The following MACROD2 variants were observed in gnomAD, a reference collection of about 807,000 sequenced individuals.
MACROD2 encodes the protein ADP-ribose glycohydrolase MACROD2.
In MACROD2, 36 loss-of-function variants were observed where a neutral mutation model predicts 70.4. The observed-to-expected ratio is 0.51, with a 90% CI of 0.39 to 0.68. The LOEUF (loss-of-function observed/expected upper bound fraction) is 0.68, where lower values mean the gene tolerates loss of function less well. MACROD2 is among the 30% of genes least tolerant of loss of function. The pLI, the probability that MACROD2 is intolerant of heterozygous loss-of-function variation, is 0.00. For missense variants in MACROD2, 496 were observed against 538.4 expected, an observed-to-expected ratio of 0.92 and a Z score of 0.78; for synonymous variants, 172 against 178.8, an observed-to-expected ratio of 0.96 and a Z score of 0.30.
intron 6 of MACROD2, among the ~76,000 whole-genome samples, chr20:15,241,746 T>A (rs911135293): frequency 6.8e-6 from 1 of 146,196 alleles, no homozygotes; most frequent in Non-Finnish European, 1.5e-5. Flanking sequence ...AAAATAGATA[T>A]TTAGGGTATT....
At chr20:14,535,148 G>T (rs181773535) in intron 4 of MACROD2, among the ~76,000 whole-genome samples, 1 of 152,306 alleles carries the variant, frequency 6.6e-6, no homozygotes, top group African/African-American at 2.4e-5. Context: ...GAGGATTGAA[G>T]GAACTGCCAA....
chr20:15,307,025 C>G (rs1445022890), intron 6 of MACROD2, among the ~76,000 whole-genome samples: 1 of 152,040 alleles, frequency 6.6e-6, no homozygotes, highest in Admixed American at 6.6e-5. Flanking sequence ...ACAGGGGTCT[C>G]TTTTAAACAA....
chr20:15,496,149 T>G (rs895728486), intron 7 of MACROD2, among the ~76,000 whole-genome samples: 3 of 152,220 alleles, frequency 2.0e-5, no homozygotes, highest in African/African-American at 7.2e-5. Flanking sequence ...TAGAGTCGGC[T>G]TCAAATGATT....
intron 5 of MACROD2, among the ~76,000 whole-genome samples, chr20:14,868,704 G>A (rs1311011860): frequency 6.6e-6 from 1 of 151,998 alleles, no homozygotes. Context: ...AAATTGCTGT[G>A]TTTTCCTTTC....
At chr20:14,021,416 C>T (rs1356985330) in intron 2 of MACROD2, among the ~76,000 whole-genome samples, 1 of 152,182 alleles carries the variant, frequency 6.6e-6, no homozygotes, top group East Asian at 1.9e-4. Flanking sequence ...GCAGGGCCTG[C>T]TGCTCTTTTT....
intron 3 of MACROD2, among the ~76,000 whole-genome samples, chr20:14,124,786 A>C (rs568958271): frequency 6.6e-6 from 1 of 152,172 alleles, no homozygotes; most frequent in Admixed American, 6.5e-5. Context: ...TGACCCAGCC[A>C]TTCCACTCCT....
At chr20:14,686,168 T>C (rs1194735077) in intron 5 of MACROD2, among the ~76,000 whole-genome samples, 1 of 152,146 alleles carries the variant, frequency 6.6e-6, no homozygotes, top group East Asian at 1.9e-4. Context: ...AAGATTATAA[T>C]ACAGATTGAG....
intron 8 of MACROD2, among the ~76,000 whole-genome samples, chr20:15,735,388 A>G (rs1053474658): frequency 3.9e-5 from 6 of 152,242 alleles, no homozygotes; most frequent in African/African-American, 7.2e-5. Context: ...ATTGCTTTTA[A>G]TAAGGACTAA....
At chr20:15,313,065 CTT>C (rs1242682254) in intron 6 of MACROD2, among the ~76,000 whole-genome samples, 1 of 151,960 alleles carries the variant, frequency 6.6e-6, no homozygotes, top group Admixed American at 6.6e-5. Context: ...GTGTATAAAA[CTT>C]TTAAATATTC....
intron 3 of MACROD2, among the ~76,000 whole-genome samples, chr20:14,195,829 C>T (rs1488261985): frequency 1.3e-5 from 2 of 152,158 alleles, no homozygotes; most frequent in African/African-American, 4.8e-5. Context: ...AGAGCTACTT[C>T]CACTCAATAA....
intron 13 of MACROD2, among the ~76,000 whole-genome samples, chr20:15,986,200 G>A (rs1423465005): frequency 2.0e-5 from 3 of 152,148 alleles, no homozygotes; most frequent in African/African-American, 7.2e-5. Flanking sequence ...CAGGTACCGA[G>A]TATAAAACAA....
intron 3 of MACROD2, among the ~76,000 whole-genome samples, chr20:14,297,479 C>A (rs1051410135): frequency 4.0e-4 from 61 of 151,982 alleles, no homozygotes; most frequent in African/African-American, 1.5e-3. Flanking sequence ...AACAGCTTTA[C>A]TGCTAATGTG....
chr20:14,948,017 C>T (rs1054212420), intron 5 of MACROD2, among the ~76,000 whole-genome samples: 3 of 152,116 alleles, frequency 2.0e-5, no homozygotes, highest in Admixed American at 6.6e-5. Flanking sequence ...GCAGCTCCCT[C>T]GCCTGCTCCA....
At chr20:14,593,697 G>T (rs73899208) in intron 4 of MACROD2, among the ~76,000 whole-genome samples, 5,154 of 152,130 alleles carry the variant, frequency 0.034, 290 homozygotes, top group African/African-American at 0.12. Context: ...TAAATGCCAA[G>T]CATACTACTT....
intron 3 of MACROD2, among the ~76,000 whole-genome samples, chr20:14,213,825 CTTTA>C (rs1601355220): frequency 6.6e-6 from 1 of 152,050 alleles, no homozygotes; most frequent in East Asian, 1.9e-4. Flanking sequence ...TAAAAGTTTT[CTTTA>C]TTTTTTACTA....
chr20:14,478,156 T>C (rs554310276), intron 3 of MACROD2, among the ~76,000 whole-genome samples: 87 of 152,272 alleles, frequency 5.7e-4, no homozygotes, highest in African/African-American at 1.8e-3. Flanking sequence ...TTGAACTCTG[T>C]TGTAGTCTCA....
intron 12 of MACROD2, among the ~76,000 whole-genome samples, chr20:15,950,884 C>T (rs1051976327): frequency 2.0e-5 from 3 of 152,100 alleles, no homozygotes; most frequent in Non-Finnish European, 2.9e-5. Flanking sequence ...AAGTATGGGG[C>T]GTTTCCCACG....
At position 15,677,585 on chromosome 20, in the gene MACROD2, G is replaced by A. The variant is rs1346329869; in HGVS notation, c.645+177738G>A. 2.0e-5 allele frequency among the ~76,000 whole-genome samples: 3 copies of A among 152,232 alleles called. No homozygotes were observed. The East Asian group carries it at 5.8e-4, about 29-fold the overall frequency. ...GATAGAGAAGAGAACACTGGCCACT[G>A]TGTGGGTGACCAGAATCCCAGCCCA... is the stretch of plus-strand genomic sequence containing the variant. On this transcript the variant is annotated intron_variant, in intron 8 of 17. Coordinates refer to ENST00000684519, the MANE Select transcript of MACROD2 (RefSeq NM_001351661.2).
At chr20:15,342,475 T>C (rs1001983295) in intron 6 of MACROD2, among the ~76,000 whole-genome samples, 4 of 152,268 alleles carry the variant, frequency 2.6e-5, no homozygotes, top group East Asian at 1.9e-4. Context: ...GTAGTAGGAA[T>C]TTGAGTCTGA....
Sources: gnomAD v4.1 joint callset for allele counts (sites outside exome capture counted in the v4.1 genomes callset) on GRCh38, gnomAD v4.1.1 for gene constraint, MANE v1.5 for transcripts, NCBI Gene and HGNC (gene_info 2026-07-23, HGNC 2026-07-21) for gene names.